Variants in FGF1 observed in about 807,000 individuals in gnomAD.
FGF1 encodes beta-endothelial cell growth factor.
Under a neutral mutation model 13.4 loss-of-function variants are expected in FGF1, and 9 were observed. The ratio of observed to expected loss-of-function variants is 0.67; its 90% CI spans 0.40 to 1.17. FGF1 has a LOEUF of 1.17. Among genes scored for constraint, FGF1 ranks in the 50% most tolerant of loss-of-function variants. The pLI, the probability that FGF1 is intolerant of heterozygous loss-of-function variation, is 0.01. For synonymous variants in FGF1, 93 were observed against 79.0 expected (o/e 1.18, Z -0.94); for missense variants, 156 against 192.7 (o/e 0.81, Z 1.13).
At chr5:142,683,821 CAAAA>C (rs768317949) in intron 1 of FGF1, among the ~76,000 whole-genome samples, 30 of 49,750 alleles carry the variant, frequency 6.0e-4, no homozygotes, top group African/African-American at 2.5e-3. Flanking sequence ...AACTCTGTCT[CAAAA>C]AAAAAAAAAA....
rs1010405898 is a variant in FGF1 at position 142,620,404 on chromosome 5, C to A, written c.-34-6243G>T. Among the ~76,000 whole-genome samples the A allele has an allele frequency of 2.0e-5, 3 of 151,066 alleles. No individual in the cohort carries two copies. In the South Asian group the frequency reaches 6.3e-4, roughly 32 times the overall value. On this transcript the variant is annotated intron_variant, in intron 1 of 3. Transcript: ENST00000337706. ...CTGCACTCCAGCCTGGGTGACAGAG[C>A]AAGACTCCGTCTCAAAAAAAAAAAT...
intron 1 of FGF1, among the ~76,000 whole-genome samples, chr5:142,630,338 C>A (rs559293337): frequency 1.3e-5 from 2 of 152,258 alleles, no homozygotes; most frequent in South Asian, 2.1e-4. Context: ...GGGGTTATCA[C>A]GTTAAGTACT....
intron 1 of FGF1, among the ~76,000 whole-genome samples, chr5:142,621,937 T>C (rs948052411): frequency 6.6e-6 from 1 of 152,252 alleles, no homozygotes; most frequent in African/African-American, 2.4e-5. Flanking sequence ...ATGAAAGCCT[T>C]TCCTGTCTTC....
chr5:142,631,538 T>A (rs1763369169), intron 1 of FGF1, among the ~76,000 whole-genome samples: 1 of 152,238 alleles, frequency 6.6e-6, no homozygotes, highest in African/African-American at 2.4e-5. Flanking sequence ...CCCCACTGGC[T>A]GGGTCATCAC....
intron 1 of FGF1, among the ~76,000 whole-genome samples, chr5:142,618,537 T>G (rs1248403903): frequency 2.0e-5 from 3 of 152,210 alleles, no homozygotes; most frequent in African/African-American, 7.2e-5. Flanking sequence ...CCTGGTGTGA[T>G]CTAAGTCAGC....
At chr5:142,676,049 A>G (rs1297929082) in intron 1 of FGF1, among the ~76,000 whole-genome samples, 1 of 152,122 alleles carries the variant, frequency 6.6e-6, no homozygotes, top group Admixed American at 6.5e-5. Flanking sequence ...TAAGGAGGCT[A>G]TTTCTTTCTC....
At chr5:142,694,107 CTA>C in intron 2 of FGF1, among the ~76,000 whole-genome samples, 1 of 150,470 alleles carries the variant, frequency 6.6e-6, no homozygotes, top group African/African-American at 2.5e-5. Flanking sequence ...ATCTATCTAT[CTA>C]TCTATCTATC....
At chr5:142,616,642 C>T (rs971770130) in intron 1 of FGF1, among the ~76,000 whole-genome samples, 5 of 152,126 alleles carry the variant, frequency 3.3e-5, no homozygotes, top group African/African-American at 1.2e-4. Flanking sequence ...CTCTCTTACT[C>T]TCTGTCCCTC....
intron 1 of FGF1, among the ~76,000 whole-genome samples, chr5:142,666,866 G>A (rs1222413675): frequency 6.6e-6 from 1 of 151,928 alleles, no homozygotes; most frequent in Non-Finnish European, 1.5e-5. Flanking sequence ...GAGCCCAGAA[G>A]TTTGAGGCTG....
chr5:142,663,691 CT>C (rs1056806034), intron 1 of FGF1, among the ~76,000 whole-genome samples: 6 of 152,070 alleles, frequency 3.9e-5, no homozygotes, highest in Non-Finnish European at 8.8e-5. Context: ...GTCCAGTTGA[CT>C]TTTTTTTCCA....
At position 142,694,353 on chromosome 5, in the gene FGF1, C is replaced by T. The variant is rs146842376; in HGVS notation, c.-35+3269G>A. 3.9e-5 allele frequency among the ~76,000 whole-genome samples: 6 copies of T among 152,138 alleles called. No individual in the cohort carries two copies. The East Asian group carries it at 1.2e-3, about 29-fold the overall frequency. On this transcript the variant is annotated intron_variant, in intron 2 of 4. Coordinates refer to the FGF1 transcript ENST00000407758. ...GAACACCAGCTCTTTCACACTGCCA[C>T]AGGATATTGTAAAGATAAAGAAAAT...
At chr5:142,602,378 T>C (rs1427443434) in intron 2 of FGF1, among the ~76,000 whole-genome samples, 3 of 152,130 alleles carry the variant, frequency 2.0e-5, no homozygotes, top group Admixed American at 1.3e-4. Context: ...GGTTTCACCA[T>C]GTTGGCCAGG....
intron 2 of FGF1, among the ~76,000 whole-genome samples, chr5:142,691,768 A>G (rs1597486538): frequency 6.6e-6 from 1 of 152,192 alleles, no homozygotes; most frequent in East Asian, 1.9e-4. Flanking sequence ...TGGTCCAGGG[A>G]CTGCATTTTG....
intron 1 of FGF1, among the ~76,000 whole-genome samples, chr5:142,636,911 T>A (rs1483818350): frequency 2.0e-5 from 3 of 151,992 alleles, no homozygotes; most frequent in Non-Finnish European, 4.4e-5. Context: ...TGGGAAACTA[T>A]GGAATACTCA....
chr5:142,649,870 C>A (rs1019616777), intron 1 of FGF1, among the ~76,000 whole-genome samples: 2 of 152,188 alleles, frequency 1.3e-5, no homozygotes. Flanking sequence ...AAACAATTTT[C>A]TTTAAAAACC....
intron 1 of FGF1, among the ~76,000 whole-genome samples, chr5:142,667,172 T>C (rs1300249071): frequency 6.6e-6 from 1 of 151,942 alleles, no homozygotes; most frequent in Admixed American, 6.5e-5. Flanking sequence ...TAGTCCCAGC[T>C]ACTCGGAAGG....
At chr5:142,598,160 C>T (rs1363695505) in intron 3 of FGF1, among the ~76,000 whole-genome samples, 1 of 152,188 alleles carries the variant, frequency 6.6e-6, no homozygotes, top group Non-Finnish European at 1.5e-5. Flanking sequence ...GGGTTGCCCA[C>T]TCCCTTGTAG....
chr5:142,689,293 C>T (rs1751756247), upstream of FGF1, among the ~76,000 whole-genome samples: 2 of 152,188 alleles, frequency 1.3e-5, no homozygotes, highest in African/African-American at 4.8e-5. Flanking sequence ...GCCACTCTCT[C>T]CCTCCAGCAA....
chr5:142,675,045 G>A (rs1321151675), intron 1 of FGF1, among the ~76,000 whole-genome samples: 9 of 152,174 alleles, frequency 5.9e-5, no homozygotes, highest in African/African-American at 9.7e-5. Context: ...GTTCAGGGGC[G>A]GCGTGAGGTG....
Sources: gnomAD v4.1 joint callset for allele counts (sites outside exome capture counted in the v4.1 genomes callset) on GRCh38, gnomAD v4.1.1 for gene constraint, MANE v1.5 for transcripts, NCBI Gene and HGNC (gene_info 2026-07-23, HGNC 2026-07-21) for gene names.